Variants in PDE1A observed in about 807,000 individuals in gnomAD.
PDE1A encodes the protein phosphodiesterase 1A, also known as dual specificity calcium/calmodulin-dependent 3',5'-cyclic nucleotide phosphodiesterase 1A.
PDE1A carries 35 observed loss-of-function variants against 61.7 expected under a neutral mutation model. The ratio of observed to expected loss-of-function variants is 0.57; its 90% CI spans 0.43 to 0.75. The LOEUF (loss-of-function observed/expected upper bound fraction) is 0.75, where lower values mean the gene tolerates loss of function less well. PDE1A is among the 30% of genes least tolerant of loss of function. The pLI, the probability that PDE1A is intolerant of heterozygous loss-of-function variation, is 0.00. For synonymous variants in PDE1A, 232 were observed against 213.2 expected (o/e 1.09, Z -0.77); for missense variants, 597 against 630.6 (o/e 0.95, Z 0.57).
the PDE1A span, among the ~76,000 whole-genome samples, chr2:182,561,643 G>T: frequency 6.6e-6 from 1 of 152,092 alleles, no homozygotes; most frequent in Admixed American, 6.5e-5. Context: ...AAATTACCTT[G>T]GGCAGTATGG....
intron 1 of PDE1A, among the ~76,000 whole-genome samples, chr2:182,269,021 T>G (rs933399425): frequency 6.6e-6 from 1 of 151,990 alleles, no homozygotes; most frequent in Non-Finnish European, 1.5e-5. Context: ...AACCCAGATA[T>G]GACAAAGAAG....
chr2:182,506,112 GT>G (rs1426883484), intron 2 of PDE1A, among the ~76,000 whole-genome samples: 2 of 152,128 alleles, frequency 1.3e-5, no homozygotes, highest in Non-Finnish European at 2.9e-5. Flanking sequence ...TGCTATACAA[GT>G]TTTTATCAAC....
chr2:182,683,602 C>T, the PDE1A span, among the ~76,000 whole-genome samples: 1 of 151,930 alleles, frequency 6.6e-6, no homozygotes, highest in Admixed American at 6.6e-5. Flanking sequence ...ACTACAGAAA[C>T]AATAAAAGAT....
chr2:182,474,821 C>T (rs1687250838), intron 2 of PDE1A, among the ~76,000 whole-genome samples: 1 of 151,902 alleles, frequency 6.6e-6, no homozygotes, highest in African/African-American at 2.4e-5. Flanking sequence ...TGCTGTAAAG[C>T]TCTACTTACA....
chr2:182,386,480 G>A (rs552790047), intron 1 of PDE1A, among the ~76,000 whole-genome samples: 5 of 150,580 alleles, frequency 3.3e-5, no homozygotes, highest in South Asian at 2.1e-4. Flanking sequence ...TGTGAGGAGC[G>A]CCTCTGCCCG....
the PDE1A span, among the ~76,000 whole-genome samples, chr2:182,537,764 A>G: frequency 1.3e-5 from 2 of 152,152 alleles, no homozygotes; most frequent in African/African-American, 4.8e-5. Flanking sequence ...GATACTTGGC[A>G]TATTAGACAA....
intron 2 of PDE1A, among the ~76,000 whole-genome samples, chr2:182,491,901 A>T (rs1688418149): frequency 6.6e-6 from 1 of 152,092 alleles, no homozygotes; most frequent in African/African-American, 2.4e-5. Flanking sequence ...TTTTTATCTC[A>T]TTCTACATTG....
intron 1 of PDE1A, among the ~76,000 whole-genome samples, chr2:182,340,042 T>TA (rs1364860715): frequency 1.3e-5 from 2 of 152,184 alleles, no homozygotes; most frequent in African/African-American, 4.8e-5. Flanking sequence ...GATTATACTG[T>TA]AAAATGCAAC....
chr2:182,689,909 C>A, the PDE1A span, among the ~76,000 whole-genome samples: 1 of 152,154 alleles, frequency 6.6e-6, no homozygotes, highest in Non-Finnish European at 1.5e-5. Context: ...CACCTCTATG[C>A]AAATAAACTA....
intron 1 of PDE1A, among the ~76,000 whole-genome samples, chr2:182,402,130 A>C (rs779939471): frequency 2.0e-5 from 3 of 152,210 alleles, no homozygotes; most frequent in Non-Finnish European, 4.4e-5. Flanking sequence ...TGCTATCCCC[A>C]TCAAGCTACC....
intron 13 of PDE1A, among the ~76,000 whole-genome samples, chr2:182,184,082 A>G (rs373940415): frequency 7.9e-5 from 12 of 152,096 alleles, no homozygotes; most frequent in African/African-American, 2.9e-4. Flanking sequence ...ACAGAGATCC[A>G]GAGCATCCAG....
At chr2:182,270,054 C>T (rs1456416180) in intron 1 of PDE1A, among the ~76,000 whole-genome samples, 2 of 152,052 alleles carry the variant, frequency 1.3e-5, no homozygotes, top group South Asian at 2.1e-4. Flanking sequence ...TGACACAAAT[C>T]TTTGATAATT....
At chr2:182,711,889 T>C in the PDE1A span, among the ~76,000 whole-genome samples, 1 of 152,180 alleles carries the variant, frequency 6.6e-6, no homozygotes, top group South Asian at 2.1e-4. Flanking sequence ...GGAAGTTTGA[T>C]GAGGAATAGA....
At chr2:182,716,200 G>C in the PDE1A span, 1 of 152,386 alleles carries the variant, frequency 6.6e-6, no homozygotes, top group African/African-American at 2.4e-5. Context: ...CCCGCAGCGG[G>C]TCTCCCCAGG....
intron 4 of PDE1A, among the ~76,000 whole-genome samples, chr2:182,233,314 T>C (rs1283773732): frequency 6.6e-6 from 1 of 152,144 alleles, no homozygotes; most frequent in African/African-American, 2.4e-5. Flanking sequence ...TGGATGGTTT[T>C]GGAATGAAAC....
At chr2:182,626,824 TAC>T in the PDE1A span, among the ~76,000 whole-genome samples, 5 of 22,058 alleles carry the variant, frequency 2.3e-4, no homozygotes, top group Admixed American at 9.8e-4. Context: ...CATATATATA[TAC>T]ATATATATAT....
intron 13 of PDE1A, among the ~76,000 whole-genome samples, chr2:182,178,413 C>T (rs1409998617): frequency 6.6e-6 from 1 of 151,940 alleles, no homozygotes; most frequent in East Asian, 1.9e-4. Flanking sequence ...TATTTTTCAC[C>T]CCCTATGAAA....
At chr2:182,412,391 T>A (rs1702671372) in intron 1 of PDE1A, among the ~76,000 whole-genome samples, 1 of 152,204 alleles carries the variant, frequency 6.6e-6, no homozygotes. Flanking sequence ...CAAGTGGACC[T>A]CGCTTTGACT....
At chr2:182,334,443 C>CA (rs1697646014) in intron 1 of PDE1A, among the ~76,000 whole-genome samples, 1 of 152,310 alleles carries the variant, frequency 6.6e-6, no homozygotes, top group South Asian at 2.1e-4. Flanking sequence ...AAGTTGGCTT[C>CA]AACCCTGGGA....
Sources: gnomAD v4.1 joint callset for allele counts (sites outside exome capture counted in the v4.1 genomes callset) on GRCh38, gnomAD v4.1.1 for gene constraint, MANE v1.5 for transcripts, NCBI Gene and HGNC (gene_info 2026-07-23, HGNC 2026-07-21) for gene names.